COLEC12: variants seen among roughly 807,000 people sequenced by gnomAD.
COLEC12 encodes collectin-12.
A neutral mutation model predicts 71.1 loss-of-function variants in COLEC12; 33 were observed. The ratio of observed to expected loss-of-function variants is 0.46; its 90% CI spans 0.35 to 0.62. The LOEUF (loss-of-function observed/expected upper bound fraction) is 0.62. COLEC12 is among the 20% of genes least tolerant of loss of function. COLEC12 has a pLI of 0.00. For missense variants in COLEC12, 765 were observed against 916.1 expected (o/e 0.84, Z 2.13); for synonymous variants, 350 against 353.0 (o/e 0.99, Z 0.10).
At chr18:337,507 G>C (rs545548724) in intron 5 of COLEC12, among the ~76,000 whole-genome samples, 1 of 152,320 alleles carries the variant, frequency 6.6e-6, no homozygotes, top group South Asian at 2.1e-4. Flanking sequence ...TTTATAAGCA[G>C]GACCCTCTTC....
chr18:434,100 T>TAG, intron 2 of COLEC12, among the ~76,000 whole-genome samples: 1 of 152,192 alleles, frequency 6.6e-6, no homozygotes. Context: ...ACTCATACCC[T>TAG]AGGTGAGTCA....
At chr18:410,919 A>G (rs748390669) in intron 2 of COLEC12, among the ~76,000 whole-genome samples, 6 of 152,228 alleles carry the variant, frequency 3.9e-5, no homozygotes, top group African/African-American at 9.6e-5. Flanking sequence ...CCATGCCAGC[A>G]AAGCCTGGGT....
At chr18:350,669 C>T (rs1310745243) in intron 3 of COLEC12, among the ~76,000 whole-genome samples, 3 of 151,994 alleles carry the variant, frequency 2.0e-5, no homozygotes, top group Non-Finnish European at 4.4e-5. Context: ...GGCTCACGCC[C>T]GTAATTCCAA....
At chr18:459,509 T>G (rs1157896554) in intron 2 of COLEC12, among the ~76,000 whole-genome samples, 3 of 152,252 alleles carry the variant, frequency 2.0e-5, no homozygotes, top group African/African-American at 7.2e-5. Flanking sequence ...CATTGGGACG[T>G]ATGTAAAACC....
At chr18:411,213 C>T (rs555895929) in intron 2 of COLEC12, among the ~76,000 whole-genome samples, 8 of 152,304 alleles carry the variant, frequency 5.3e-5, no homozygotes, top group South Asian at 2.1e-4. Flanking sequence ...GATGCCTACC[C>T]GTCCCTTGCT....
intron 3 of COLEC12, among the ~76,000 whole-genome samples, chr18:354,394 G>A (rs890810444): frequency 6.6e-6 from 1 of 152,220 alleles, no homozygotes; most frequent in African/African-American, 2.4e-5. Flanking sequence ...CATGAAAGAA[G>A]AAAAGAACAA....
At chr18:468,728 T>C (rs1917136373) in intron 2 of COLEC12, among the ~76,000 whole-genome samples, 1 of 152,370 alleles carries the variant, frequency 6.6e-6, no homozygotes, top group African/African-American at 2.4e-5. Context: ...ATCCTCACAA[T>C]GTCCCTGAAA....
At chr18:415,017 C>T (rs1429213965) in intron 2 of COLEC12, among the ~76,000 whole-genome samples, 1 of 152,144 alleles carries the variant, frequency 6.6e-6, no homozygotes, top group Non-Finnish European at 1.5e-5. Flanking sequence ...GTCCCAAAGA[C>T]AAGAGGATCC....
chr18:398,032 A>G lies in COLEC12; in HGVS notation c.59-40510T>C, dbSNP rs542182017. 2.7e-5 allele frequency among the ~76,000 whole-genome samples: 4 copies of G among 150,328 alleles called. No homozygotes were observed. The South Asian group carries it at 8.5e-4, about 32-fold the overall frequency. ...AAATACTTACACAGGTCCATGGCCCAGGTCTATGACCTAACTTTCTATGTT... is the reference window on the plus strand; with the variant it reads ...AAATACTTACACAGGTCCATGGCCCGGGTCTATGACCTAACTTTCTATGTT... On this transcript the variant is annotated intron_variant, in intron 2 of 9. Coordinates refer to ENST00000400256, the MANE Select transcript of COLEC12 (RefSeq NM_130386.3).
At chr18:445,097 T>C (rs896623796) in intron 2 of COLEC12, among the ~76,000 whole-genome samples, 2 of 152,198 alleles carry the variant, frequency 1.3e-5, no homozygotes, top group African/African-American at 4.8e-5. Flanking sequence ...TTTGGCACTC[T>C]GGGGTGAACA....
intron 2 of COLEC12, among the ~76,000 whole-genome samples, chr18:411,324 T>C (rs1915889721): frequency 6.6e-6 from 1 of 152,180 alleles, no homozygotes; most frequent in African/African-American, 2.4e-5. Context: ...CTGAAATCAC[T>C]TGTCATATCA....
chr18:414,252 T>C (rs1321369293), intron 2 of COLEC12, among the ~76,000 whole-genome samples: 1 of 152,042 alleles, frequency 6.6e-6, no homozygotes, highest in Non-Finnish European at 1.5e-5. Flanking sequence ...GACTTGCAAA[T>C]TGGTAAAGAG....
chr18:333,687 C>T (rs904109792), intron 6 of COLEC12: 4 of 152,288 alleles, frequency 2.6e-5, no homozygotes, highest in African/African-American at 9.6e-5. Flanking sequence ...ACATCTAACA[C>T]CTTTCTCAAA....
chr18:458,860 G>A (rs8099806), intron 2 of COLEC12, among the ~76,000 whole-genome samples: 28,614 of 152,200 alleles, frequency 0.19, 3,201 homozygotes, highest in East Asian at 0.49. Flanking sequence ...TTTTGAGACA[G>A]GGTCTTGCTC....
At chr18:373,186 T>C (rs1313881791) in intron 2 of COLEC12, among the ~76,000 whole-genome samples, 2 of 152,236 alleles carry the variant, frequency 1.3e-5, no homozygotes, top group African/African-American at 4.8e-5. Context: ...CAGATTTCTG[T>C]GTCATAATCT....
chr18:404,093 C>T (rs963624897), intron 2 of COLEC12, among the ~76,000 whole-genome samples: 18 of 152,168 alleles, frequency 1.2e-4, no homozygotes, highest in African/African-American at 4.3e-4. Context: ...CTTCACACAC[C>T]ATGTCGCCGA....
At position 487,300 on chromosome 18, in the gene COLEC12, T is replaced by C. The variant is rs548629698; in HGVS notation, c.8-6543A>G. 3.9e-5 allele frequency among the ~76,000 whole-genome samples: 6 copies of C among 152,388 alleles called. No individual in the cohort carries two copies. In the South Asian group the frequency reaches 1.2e-3, roughly 32 times the overall value. On this transcript the variant is annotated intron_variant, in intron 1 of 9. Transcript: ENST00000400256. The stretch of plus-strand genomic sequence containing the variant: ...TCTAGATTCAGAAAGCAATTAATGT[T>C]TGCCTAGGGCTGGTGGTTTTGAGGG...
At chr18:350,104 C>G (rs1186203704) in intron 3 of COLEC12, among the ~76,000 whole-genome samples, 1 of 152,174 alleles carries the variant, frequency 6.6e-6, no homozygotes, top group Non-Finnish European at 1.5e-5. Flanking sequence ...TGGAATGATA[C>G]AGTTTGGCTG....
At chr18:424,080 T>C (rs1365456935) in intron 2 of COLEC12, 4 of 152,358 alleles carry the variant, frequency 2.6e-5, no homozygotes, top group Admixed American at 6.5e-5. Context: ...AAAACAATTA[T>C]AGAACCAACA....
Sources: gnomAD v4.1 joint callset for allele counts (sites outside exome capture counted in the v4.1 genomes callset) on GRCh38, gnomAD v4.1.1 for gene constraint, MANE v1.5 for transcripts, NCBI Gene and HGNC (gene_info 2026-07-23, HGNC 2026-07-21) for gene names.